Variants in ZIC2 observed in about 807,000 individuals in gnomAD.
The protein encoded by ZIC2 is Zic family zinc finger 2.
ZIC2 carries 7 observed loss-of-function variants against 29.5 expected under a neutral mutation model. That is an observed-to-expected ratio of 0.24 (90% CI 0.14 to 0.45). The LOEUF is 0.45. Among genes scored for constraint, ZIC2 ranks in the 20% least tolerant of loss-of-function variants. The pLI is 1.00. For synonymous variants in ZIC2, 408 were observed against 354.2 expected (o/e 1.15, Z -1.70); for missense variants, 589 against 781.2 (o/e 0.75, Z 2.93).
Position 99,982,370 on chromosome 13 carries a change from C to A in ZIC2, c.306C>A (p.Ala102=). Residue 102 remains alanine, a synonymous_variant, in exon 1 of 3, where the codon GCC becomes GCA. Transcript: ENST00000376335. Reference sequence around the variant, plus strand: ...CGGCCGCAGCGCTCGGGCCCCACGCCGCGCACGTTGGCTCCTACTCTGGGC... The same window carrying A: ...CGGCCGCAGCGCTCGGGCCCCACGCAGCGCACGTTGGCTCCTACTCTGGGC... ...AAAAAALGPH[A]AHVGSYSGPP... The A allele has an allele frequency of 2.0e-6, 3 of 1,477,806 alleles. No individual in the cohort carries two copies. Among genetic ancestry groups the A allele is most frequent in the Non-Finnish European group, 2.7e-6 (3 of 1,116,240 alleles). The allele number at this position is 1,477,806 out of a possible 1,614,324, so 91.5% of individuals were successfully genotyped here.
chr13:99,981,784 G>T lies in ZIC2; in HGVS notation c.-281G>T. 2 of 523,182 alleles carry T rather than the reference G, an allele frequency of 3.8e-6. No individual in the cohort carries two copies. Among genetic ancestry groups the T allele is most frequent in the Admixed American group, 2.8e-5 (1 of 35,120 alleles). The allele number at this position is 523,182 out of a possible 1,614,324, so 32.4% of individuals were successfully genotyped here. ...ACACTTTGGTTCTCCGCCTGGCTTT[G>T]GACTCTTCTCCTCCTCCACCTCCTC... On this transcript the variant is annotated 5_prime_UTR_variant, in exon 1 of 3. Transcript: ENST00000376335.
Position 99,982,811 on chromosome 13 carries a change from G to A in ZIC2, c.747G>A (p.Gln249=). The change falls in exon 1 of 3, where the codon CAG becomes CAA. Residue 249 remains glutamine, a synonymous_variant. Transcript: ENST00000376335. ...GTGCCTTTTTCCGCTATATGCGGCA[G>A]CAGTGCATCAAGCAGGAGCTAATCT... ...HPGAFFRYMR[Q]QCIKQELICK... is the part of the protein sequence containing the mutation. 1.2e-6 allele frequency: 2 copies of A among 1,612,136 alleles called. No homozygotes were observed. Among genetic ancestry groups the A allele is most frequent in the Non-Finnish European group, 8.5e-7 (1 of 1,180,002 alleles).
rs2053265128 is a variant in ZIC2 at position 99,985,812 on chromosome 13, T to G, written c.*130T>G. On this transcript the variant is annotated 3_prime_UTR_variant, in exon 3 of 3. Transcript: ENST00000376335. The surrounding 1 kb of genome is among the most constrained non-coding windows in gnomAD (Gnocchi z 6.3). Reference sequence around the variant, plus strand: ...TCTGATTTTTATGATGATGAAAATTTTACCAGCAGAAGGATTTTTTAAAGT... The same window carrying G: ...TCTGATTTTTATGATGATGAAAATTGTACCAGCAGAAGGATTTTTTAAAGT... 6 of 470,560 alleles carry G rather than the reference T, an allele frequency of 1.3e-5. No homozygotes were observed. The highest frequency in any genetic ancestry group is 2.2e-5 in the African/African-American group (1 of 45,840). The allele number at this position is 470,560 out of a possible 1,614,324, so 29.1% of individuals were successfully genotyped here.
In ZIC2 at chr13:99,982,586, G is replaced by T. The variant is rs1482587836; in HGVS notation, c.522G>T (p.Val174=). Residue 174 remains valine, a synonymous_variant, in exon 1 of 3, where the codon GTG becomes GTT. Coordinates refer to ENST00000376335, the MANE Select transcript of ZIC2 (RefSeq NM_007129.5). Reference sequence around the variant, plus strand: ...ACGGGCCGCACGGCTCGCAGAATGTGCTCAACGGGCAGATGCGCCTCGGGC... The same window carrying T: ...ACGGGCCGCACGGCTCGCAGAATGTTCTCAACGGGCAGATGCGCCTCGGGC... ...EQHGPHGSQN[V]LNGQMRLGLP... 1.3e-6 allele frequency: 2 copies of T among 1,572,922 alleles called. No homozygotes were observed. The highest frequency in any genetic ancestry group is 3.6e-5 in the Admixed American group (2 of 55,588).
chr13:99,983,186 A>G lies in ZIC2; in HGVS notation c.1075+47A>G, dbSNP rs1211868966. 6.3e-7 allele frequency: 1 copy of G among 1,596,108 alleles called. No homozygotes were observed. The highest frequency in any genetic ancestry group is 1.8e-5 in the Admixed American group (1 of 56,340). On this transcript the variant is annotated intron_variant, in intron 1 of 2. Coordinates refer to ENST00000376335, the MANE Select transcript of ZIC2 (RefSeq NM_007129.5). The surrounding 1 kb of genome is among the most constrained non-coding windows in gnomAD (Gnocchi z 4.7). ...GACCAGGCGCGGAGGGGAGACACGC[A>G]CAGGCTGAGACTCAGGCTGTGGGTG...
Position 99,983,760 on chromosome 13 carries a change from T to G in ZIC2, c.1075+621T>G, listed in dbSNP as rs1879543355. Among the ~76,000 whole-genome samples, 1 of 152,246 alleles carries G rather than the reference T, an allele frequency of 6.6e-6. No individual in the cohort carries two copies. The highest frequency in any genetic ancestry group is 1.5e-5 in the Non-Finnish European group (1 of 68,034). On this transcript the variant is annotated intron_variant, in intron 1 of 2. Coordinates refer to ENST00000376335, the MANE Select transcript of ZIC2 (RefSeq NM_007129.5). The surrounding 1 kb of genome is among the most constrained non-coding windows in gnomAD (Gnocchi z 4.7). ...ATTCTCTAATGGGCACCACAGAGTT[T>G]GCGATTCCCAACTTGGACCCAGGTC... is the stretch of plus-strand genomic sequence containing the variant.
Position 99,982,139 on chromosome 13 carries a change from CGCGGCG to C in ZIC2, c.87_92del (p.Ala32_Ala33del), listed in dbSNP as rs748109787. 8 of 1,330,410 alleles carry C rather than the reference CGCGGCG, an allele frequency of 6.0e-6. No individual in the cohort carries two copies. Among genetic ancestry groups the C allele is most frequent in the South Asian group, 4.1e-5 (2 of 48,254 alleles). 82.4% of individuals were successfully genotyped at this position (1,330,410 alleles called of 1,614,324 possible). A position where few individuals can be genotyped will look rare whatever the true frequency, so the allele number is the denominator to read the frequency against. On this transcript the variant is annotated inframe_deletion, in exon 1 of 3. Coordinates refer to ENST00000376335, the MANE Select transcript of ZIC2 (RefSeq NM_007129.5). Reference sequence around the variant, plus strand: ...TCGCGCGCCACCATCACCACTCCGCCGCGGCGGCGGCGGCGGCTGCCGCCGAGATGC... The same window carrying C: ...TCGCGCGCCACCATCACCACTCCGCCGCGGCGGCGGCTGCCGCCGAGATGC...
chr13:99,981,802 A>ACCT lies in ZIC2; in HGVS notation c.-248_-246dup, dbSNP rs747617842. The ACCT allele has an allele frequency of 3.1e-5, 17 of 544,024 alleles. No individual in the cohort carries two copies. The highest frequency in any genetic ancestry group is 1.8e-4 in the South Asian group (10 of 55,886). 33.7% of individuals were successfully genotyped at this position (544,024 alleles called of 1,614,324 possible). On this transcript the variant is annotated 5_prime_UTR_variant, in exon 1 of 3. Transcript: ENST00000376335. The stretch of plus-strand genomic sequence containing the variant: ...TGGCTTTGGACTCTTCTCCTCCTCC[A>ACCT]CCTCCTCCTCCTCCTCCCGCGCCGC...
rs2053245387 is a variant in ZIC2 at position 99,983,189 on chromosome 13, G to A, written c.1075+50G>A. The A allele has an allele frequency of 6.3e-7, 1 of 1,596,176 alleles. No individual in the cohort carries two copies. Among genetic ancestry groups the A allele is most frequent in the Non-Finnish European group, 8.5e-7 (1 of 1,172,366 alleles). On this transcript the variant is annotated intron_variant, in intron 1 of 2. Coordinates refer to ENST00000376335, the MANE Select transcript of ZIC2 (RefSeq NM_007129.5). This position sits in a 1 kb window ranked among gnomAD's most constrained non-coding sequence, Gnocchi z 4.7. ...CAGGCGCGGAGGGGAGACACGCACA[G>A]GCTGAGACTCAGGCTGTGGGTGCCG...
Position 99,982,399 on chromosome 13 carries a change from C to G in ZIC2, c.335C>G (p.Pro112Arg). The change falls in exon 1 of 3, where the codon CCC becomes CGC. Residue 112 changes from proline to arginine, a missense_variant. Transcript: ENST00000376335. ...AAHVGSYSGP[P>R]FNSTRDFLFR... is the part of the protein sequence containing the mutation. ...CACGTTGGCTCCTACTCTGGGCCGC[C>G]CTTCAACTCCACCCGGGACTTCCTG... 1 of 1,477,000 alleles carries G rather than the reference C, an allele frequency of 6.8e-7. No individual in the cohort carries two copies. Among genetic ancestry groups the G allele is most frequent in the Non-Finnish European group, 9.0e-7 (1 of 1,117,130 alleles). 91.5% of individuals were successfully genotyped at this position (1,477,000 alleles called of 1,614,324 possible). A position where few individuals can be genotyped will look rare whatever the true frequency, so the allele number is the denominator to read the frequency against.
Position 99,986,006 on chromosome 13 carries a change from G to GT in ZIC2, c.*326dup. Reference sequence around the variant, plus strand: ...CCATGCCCACGTTCTTTCCCACCCTGTTCCCAGTCTTCTGACAAACTGTGT... The same window carrying GT: ...CCATGCCCACGTTCTTTCCCACCCTGTTTCCCAGTCTTCTGACAAACTGTGT... On this transcript the variant is annotated 3_prime_UTR_variant, in exon 3 of 3. Transcript: ENST00000376335. 1 of 454,700 alleles carries GT rather than the reference G, an allele frequency of 2.2e-6. No individual in the cohort carries two copies. The highest frequency in any genetic ancestry group is 4.4e-6 in the Non-Finnish European group (1 of 226,680). The allele number at this position is 454,700 out of a possible 1,614,324, so 28.2% of individuals were successfully genotyped here. A position where few individuals can be genotyped will look rare whatever the true frequency, so the allele number is the denominator to read the frequency against.
Position 99,982,511 on chromosome 13 carries a change from G to C in ZIC2, c.447G>C (p.Ala149=). ...FGPGAGGLHH[A]HSDAQGHLLF... is the part of the protein sequence containing the mutation. Reference sequence around the variant, plus strand: ...CGGGCGCGGGCGGCCTGCACCACGCGCACTCGGACGCGCAGGGCCACCTCC... The same window carrying C: ...CGGGCGCGGGCGGCCTGCACCACGCCCACTCGGACGCGCAGGGCCACCTCC... Residue 149 remains alanine, a synonymous_variant, in exon 1 of 3, where the codon GCG becomes GCC. Transcript: ENST00000376335. 1.3e-6 allele frequency: 2 copies of C among 1,510,810 alleles called. No homozygotes were observed. Among genetic ancestry groups the C allele is most frequent in the Non-Finnish European group, 1.8e-6 (2 of 1,130,506 alleles). 93.6% of individuals were successfully genotyped at this position (1,510,810 alleles called of 1,614,324 possible).
In ZIC2 at chr13:99,985,246, C is replaced by T. The variant is rs1156324111; in HGVS notation, c.1240-77C>T. 1 of 1,603,022 alleles carries T rather than the reference C, an allele frequency of 6.2e-7. No homozygotes were observed. Among genetic ancestry groups the T allele is most frequent in the Non-Finnish European group, 8.5e-7 (1 of 1,178,016 alleles). On this transcript the variant is annotated intron_variant, in intron 2 of 2. Coordinates refer to ENST00000376335, the MANE Select transcript of ZIC2 (RefSeq NM_007129.5). The surrounding 1 kb of genome is among the most constrained non-coding windows in gnomAD (Gnocchi z 6.3). ...GGGAACATTTCTGGGGGTGCTCTCC[C>T]CCAGGGGCCCGGCCCCACAGCAGCT...
chr13:99,984,778 GGC>G (rs2053254760), intron 1 of ZIC2, 166 bp from the exon 2 acceptor site: 5 of 714,994 alleles, frequency 7.0e-6, no homozygotes, highest in African/African-American at 5.3e-5. Context: ...CGGGCGGGAA[GGC>G]GGTTAATTTG....
rs762420178 is a variant in ZIC2 at position 99,985,301 on chromosome 13, C to G, written c.1240-22C>G. 4 of 1,599,062 alleles carry G rather than the reference C, an allele frequency of 2.5e-6. No homozygotes were observed. The highest frequency in any genetic ancestry group is 2.2e-5 in the East Asian group (1 of 44,822). On this transcript the variant is annotated intron_variant, in intron 2 of 2. Coordinates refer to ENST00000376335, the MANE Select transcript of ZIC2 (RefSeq NM_007129.5). The surrounding 1 kb of genome is among the most constrained non-coding windows in gnomAD (Gnocchi z 6.3). The stretch of plus-strand genomic sequence containing the variant: ...TCACACCCAGTCCCCTCTGGTCCCC[C>G]CTCCCGGCTTTTGTCTTGCAGGTCC...
At position 99,982,364 on chromosome 13, in the gene ZIC2, C is replaced by G; in HGVS notation, c.300C>G (p.Pro100=). 6.8e-7 allele frequency: 1 copy of G among 1,477,380 alleles called. No homozygotes were observed. The highest frequency in any genetic ancestry group is 9.0e-7 in the Non-Finnish European group (1 of 1,116,112). 91.5% of individuals were successfully genotyped at this position (1,477,380 alleles called of 1,614,324 possible). A position where few individuals can be genotyped will look rare whatever the true frequency, so the allele number is the denominator to read the frequency against. Reference sequence around the variant, plus strand: ...CCGCTGCGGCCGCAGCGCTCGGGCCCCACGCCGCGCACGTTGGCTCCTACT... The same window carrying G: ...CCGCTGCGGCCGCAGCGCTCGGGCCGCACGCCGCGCACGTTGGCTCCTACT... ...AAAAAAAALG[P]HAAHVGSYSG... Residue 100 remains proline, a synonymous_variant, in exon 1 of 3, where the codon CCC becomes CCG. Transcript: ENST00000376335.
chr13:99,984,847 G>T, intron 1 of ZIC2, 99 bp from the exon 2 acceptor site: 1 of 1,516,040 alleles, frequency 6.6e-7, no homozygotes, highest in Non-Finnish European at 9.1e-7. Flanking sequence ...GCCCCCTCAG[G>T]TCCTTCTCCC....
At position 99,985,522 on chromosome 13, in the gene ZIC2, C is replaced by T. The variant is rs2053262180; in HGVS notation, c.1439C>T (p.Ser480Leu). The change falls in exon 3 of 3, where the codon TCG (serine) becomes TTG (leucine). Residue 480 changes from serine (S) to leucine (L), a missense_variant. This residue lies in a region of ZIC2 where 135 missense variants were observed against 136.7 expected (regional missense o/e 0.99). Coordinates refer to ENST00000376335, the MANE Select transcript of ZIC2 (RefSeq NM_007129.5). The surrounding 1 kb of genome is among the most constrained non-coding windows in gnomAD (Gnocchi z 6.3). ...TCCGCGGTGCACCGGGGCGGAGGCT[C>T]GGGCAGTGGCGGCGCGGGAGGCGGC... Reference protein sequence around the residue: ...AVSAVHRGGGSGSGGAGGGSG... With the variant: ...AVSAVHRGGGLGSGGAGGGSG... The T allele has an allele frequency of 1.1e-5, 11 of 1,022,960 alleles. No homozygotes were observed. Among genetic ancestry groups the T allele is most frequent in the Non-Finnish European group, 1.2e-5 (10 of 857,928 alleles). The allele number at this position is 1,022,960 out of a possible 1,614,324, so 63.4% of individuals were successfully genotyped here.
chr13:99,982,602 C>G lies in ZIC2; in HGVS notation c.538C>G (p.Arg180Gly). Residue 180 changes from arginine to glycine, a missense_variant, in exon 1 of 3, where the codon CGC becomes GGC. By Grantham distance (125) the Arg-to-Gly change is moderately radical (BLOSUM62 -2). Coordinates refer to ENST00000376335, the MANE Select transcript of ZIC2 (RefSeq NM_007129.5). ...GSQNVLNGQM[R>G]LGLPGEVFGR... ...GCAGAATGTGCTCAACGGGCAGATG[C>G]GCCTCGGGCTGCCCGGCGAGGTGTT... is the stretch of plus-strand genomic sequence containing the variant. The G allele has an allele frequency of 6.3e-7, 1 of 1,581,194 alleles. No homozygotes were observed. The highest frequency in any genetic ancestry group is 8.5e-7 in the Non-Finnish European group (1 of 1,170,440).
Sources: allele counts gnomAD v4.1 joint callset (sites outside exome capture counted in the v4.1 genomes callset), GRCh38; gene constraint gnomAD v4.1.1; regional missense constraint gnomAD v4.1.1; non-coding constraint Gnocchi (gnomAD v3.1); transcripts MANE v1.5; gene names NCBI Gene and HGNC (gene_info 2026-07-23, HGNC 2026-07-21).